Variants in RABL2A observed in about 807,000 individuals in gnomAD.
The protein encoded by RABL2A is rab-like protein 2A.
A neutral mutation model predicts 30.7 loss-of-function variants in RABL2A; 17 were observed. The observed-to-expected ratio is 0.55, with a 90% CI of 0.38 to 0.83. RABL2A has a LOEUF of 0.83. RABL2A is among the 40% of genes least tolerant of loss of function. RABL2A has a pLI of 0.00. For missense variants in RABL2A, 155 were observed against 272.6 expected (o/e 0.57, Z 3.04); for synonymous variants, 64 against 101.8 (o/e 0.63, Z 2.24).
intron 2 of RABL2A, among the ~76,000 whole-genome samples, chr2:113,629,659 C>A (rs1034931048): frequency 6.6e-6 from 1 of 151,990 alleles, no homozygotes; most frequent in African/African-American, 2.4e-5. Context: ...CACAGCCTTG[C>A]GAGTAGCTAG....
chr2:113,637,853 CTCTT>C (rs1683532921), intron 5 of RABL2A: 2 of 1,270,112 alleles, frequency 1.6e-6, no homozygotes, highest in Non-Finnish European at 2.1e-6. Context: ...CCCTCAGACC[CTCTT>C]CTGAAGGCCT....
intron 5 of RABL2A, among the ~76,000 whole-genome samples, chr2:113,636,237 G>T (rs1036693952): frequency 1.3e-5 from 2 of 152,136 alleles, no homozygotes; most frequent in African/African-American, 4.8e-5. Context: ...TCTTGGAATA[G>T]CATTCAAGGT....
chr2:113,631,922 A>T (rs1193436745), intron 2 of RABL2A, among the ~76,000 whole-genome samples: 2 of 151,210 alleles, frequency 1.3e-5, no homozygotes, highest in Non-Finnish European at 2.9e-5. Flanking sequence ...TGATCTAAGA[A>T]GATGATGTGT....
chr2:113,641,293 C>A, intron 6 of RABL2A, 60 bp from the exon 7 acceptor site: 8 of 1,610,856 alleles, frequency 5.0e-6, no homozygotes, highest in Admixed American at 3.3e-5. Context: ...CTCCAGTGGC[C>A]CCCCCTCCAA....
intron 1 of RABL2A, chr2:113,628,316 G>A (rs984112929): frequency 4.0e-5 from 13 of 328,412 alleles, no homozygotes; most frequent in Non-Finnish European, 6.2e-5. Context: ...CCTGGTGAAT[G>A]TCTTGTGCAA....
chr2:113,634,498 T>C, intron 4 of RABL2A: 1 of 535,448 alleles, frequency 1.9e-6, no homozygotes, highest in Non-Finnish European at 3.4e-6. Context: ...GTCAGGGGGC[T>C]GTACCCACCT....
intron 2 of RABL2A, among the ~76,000 whole-genome samples, chr2:113,629,565 C>T (rs1181493172): frequency 6.6e-5 from 10 of 150,398 alleles, no homozygotes; most frequent in South Asian, 2.1e-4. Flanking sequence ...GACGGAGTCT[C>T]GCTCTGTCCC....
At position 113,642,474 on chromosome 2, in the gene RABL2A, T is replaced by A. The variant is rs542112176; in HGVS notation, c.*345T>A. 5.9e-6 allele frequency: 2 copies of A among 336,648 alleles called. No individual in the cohort carries two copies. The highest frequency in any genetic ancestry group is 6.0e-5 in the South Asian group (2 of 33,578). The allele number at this position is 336,648 out of a possible 1,614,324, so 20.9% of individuals were successfully genotyped here. On this transcript the variant is annotated 3_prime_UTR_variant, in exon 9 of 9. Transcript: ENST00000683472. The stretch of plus-strand genomic sequence containing the variant: ...CAGGAAATTTAGGTGTTTTTTGGTG[T>A]TTTTGTTTTTGTTTTCTTTCCAAAG...
chr2:113,639,170 C>G (rs999904771), intron 5 of RABL2A, among the ~76,000 whole-genome samples: 3 of 151,858 alleles, frequency 2.0e-5, no homozygotes, highest in African/African-American at 7.3e-5. Flanking sequence ...GCCTGTAGTT[C>G]CAGCTACTCA....
chr2:113,629,723 A>G (rs1341624180), intron 2 of RABL2A, among the ~76,000 whole-genome samples: 1 of 152,128 alleles, frequency 6.6e-6, no homozygotes, highest in Non-Finnish European at 1.5e-5. Flanking sequence ...TATTTTTAGT[A>G]GAGACGGGGC....
intron 2 of RABL2A, among the ~76,000 whole-genome samples, chr2:113,631,625 G>A (rs1357805788): frequency 6.6e-6 from 1 of 152,170 alleles, no homozygotes; most frequent in Admixed American, 6.5e-5. Context: ...TGCCGAGCTG[G>A]TTCTCTGCTA....
chr2:113,631,916 C>T (rs377227529), intron 2 of RABL2A, among the ~76,000 whole-genome samples: 1 of 151,530 alleles, frequency 6.6e-6, no homozygotes, highest in Non-Finnish European at 1.5e-5. Context: ...TCTACGTGAT[C>T]TAAGAAGATG....
At chr2:113,641,497 G>T in intron 7 of RABL2A, 47 bp downstream of exon 7, 2 of 1,611,506 alleles carry the variant, frequency 1.2e-6, no homozygotes, top group Non-Finnish European at 1.7e-6. Context: ...GCGCTAGGTG[G>T]TAAAGGGAAG....
At chr2:113,634,598 T>A in intron 4 of RABL2A, 1 of 415,566 alleles carries the variant, frequency 2.4e-6, no homozygotes, top group Non-Finnish European at 4.5e-6. Flanking sequence ...AAAATAAATG[T>A]GGTCAGAACA....
chr2:113,640,036 C>T (rs1277674132), intron 5 of RABL2A: 2 of 151,744 alleles, frequency 1.3e-5, no homozygotes, highest in Non-Finnish European at 2.9e-5. Context: ...GTGCGTGCTA[C>T]TTGGGAGGCT....
chr2:113,636,275 TGGC>T (rs995251707), intron 5 of RABL2A, among the ~76,000 whole-genome samples: 4 of 152,092 alleles, frequency 2.6e-5, no homozygotes, highest in Admixed American at 2.6e-4. Context: ...CCCCAAAACT[TGGC>T]GGTACAAAAC....
chr2:113,640,722 G>T (rs1684809532), intron 5 of RABL2A, 172 bp from the exon 6 acceptor site: 2 of 804,436 alleles, frequency 2.5e-6, no homozygotes, highest in South Asian at 1.8e-5. Context: ...AGGCTCCAGG[G>T]GGCTTCCCTG....
chr2:113,630,264 A>ACACCC (rs1301089124), intron 2 of RABL2A, among the ~76,000 whole-genome samples: 1 of 152,254 alleles, frequency 6.6e-6, no homozygotes, highest in African/African-American at 2.4e-5. Flanking sequence ...CATGATGGAA[A>ACACCC]CAGTGCATCT....
chr2:113,636,688 A>G (rs1682860778), intron 5 of RABL2A, among the ~76,000 whole-genome samples: 1 of 152,086 alleles, frequency 6.6e-6, no homozygotes, highest in Non-Finnish European at 1.5e-5. Flanking sequence ...GTTGGCATAC[A>G]TTAATAAAGT....
Sources: allele counts gnomAD v4.1 joint callset (sites outside exome capture counted in the v4.1 genomes callset), GRCh38; gene constraint gnomAD v4.1.1; transcripts MANE v1.5; gene names NCBI Gene and HGNC (gene_info 2026-07-23, HGNC 2026-07-21).